Variants in VPS13B observed in about 807,000 individuals in gnomAD.
VPS13B encodes the protein vacuolar protein sorting 13 homolog B.
In VPS13B, 285 loss-of-function variants were observed where a neutral mutation model predicts 426.4. That is an observed-to-expected ratio of 0.67 (90% CI 0.61 to 0.74). The LOEUF is 0.74. VPS13B is among the 30% of genes least tolerant of loss of function. The probability of loss-of-function intolerance (pLI) is 0.00; values close to 1 mark genes in which losing one functional copy is unlikely to be tolerated. For missense variants in VPS13B, 4,537 were observed against 4,782.6 expected (o/e 0.95, Z 1.51); for synonymous variants, 1,676 against 1,676.4 (o/e 1.00, Z 0.01).
chr8:99,080,996 T>A (rs1845421492), intron 3 of VPS13B, among the ~76,000 whole-genome samples: 1 of 152,206 alleles, frequency 6.6e-6, no homozygotes, highest in Non-Finnish European at 1.5e-5. Context: ...ATTGCTGTAT[T>A]GGGTGATAGC....
Position 99,853,953 on chromosome 8 carries a change from A to C in VPS13B, c.10564A>C (p.Thr3522Pro). The C allele has an allele frequency of 6.2e-7, 1 of 1,614,200 alleles. No individual in the cohort carries two copies. The highest frequency in any genetic ancestry group is 8.5e-7 in the Non-Finnish European group (1 of 1,180,030). Reference protein sequence around the residue: ...FVYYIKTLFDTYLPNSRLAGH... With the variant: ...FVYYIKTLFDPYLPNSRLAGH... The stretch of plus-strand genomic sequence containing the variant: ...ATACTACATCAAGACTTTGTTTGAC[A>C]CCTACCTTCCTAACAGCAGGTTGGC... Residue 3522 changes from threonine to proline, a missense_variant, in exon 56 of 62, where the codon ACC (threonine) becomes CCC (proline). Transcript: ENST00000357162.
chr8:99,752,552 T>C (rs1331433161), intron 39 of VPS13B, among the ~76,000 whole-genome samples: 3 of 152,248 alleles, frequency 2.0e-5, no homozygotes, highest in African/African-American at 7.2e-5. Context: ...ATTTGTTCTA[T>C]AGCCCTTTAC....
chr8:99,799,914 C>G (rs1813037726), intron 43 of VPS13B, among the ~76,000 whole-genome samples: 1 of 152,180 alleles, frequency 6.6e-6, no homozygotes, highest in Non-Finnish European at 1.5e-5. Flanking sequence ...ATCCGAATGA[C>G]TAACAGACAG....
At chr8:99,375,477 ATACCATACATGTATGTATTG>A (rs1195045378) in intron 19 of VPS13B, among the ~76,000 whole-genome samples, 2 of 152,188 alleles carry the variant, frequency 1.3e-5, no homozygotes, top group East Asian at 1.9e-4. Flanking sequence ...CCATACGCAC[ATACCATACATGTATGTATTG>A]TACCATACAT....
intron 35 of VPS13B, among the ~76,000 whole-genome samples, chr8:99,693,439 A>G (rs1272960615): frequency 2.2e-5 from 3 of 136,856 alleles, no homozygotes; most frequent in Non-Finnish European, 4.7e-5. Flanking sequence ...AGCCAAAGAC[A>G]AAAACCACAT....
intron 39 of VPS13B, among the ~76,000 whole-genome samples, chr8:99,730,731 ACC>A (rs758237690): frequency 1.9e-4 from 29 of 151,282 alleles, no homozygotes; most frequent in Admixed American, 1.6e-3. Context: ...AGGTACAGGT[ACC>A]TCCTGAAAGG....
chr8:99,047,860 G>A (rs566872044), intron 3 of VPS13B, among the ~76,000 whole-genome samples: 21 of 152,040 alleles, frequency 1.4e-4, no homozygotes, highest in Middle Eastern at 6.8e-3. Context: ...ACTAATTTTT[G>A]TATTTTTAGT....
chr8:99,199,373 G>A (rs977143456), intron 17 of VPS13B, among the ~76,000 whole-genome samples: 2 of 151,500 alleles, frequency 1.3e-5, no homozygotes, highest in Non-Finnish European at 2.9e-5. Flanking sequence ...GGGTTTCACC[G>A]TGTTAGCCAG....
intron 19 of VPS13B, among the ~76,000 whole-genome samples, chr8:99,327,398 G>A (rs1243791154): frequency 6.6e-6 from 1 of 152,178 alleles, no homozygotes; most frequent in Non-Finnish European, 1.5e-5. Context: ...TAGGTAGCCA[G>A]TCAAATAAAT....
intron 16 of VPS13B, among the ~76,000 whole-genome samples, chr8:99,170,753 G>A (rs1812285302): frequency 1.3e-5 from 2 of 151,462 alleles, no homozygotes; most frequent in Non-Finnish European, 3.0e-5. Context: ...TAAATTTTTA[G>A]TTTAAAGGAA....
At chr8:99,750,752 T>G (rs1810350822) in intron 39 of VPS13B, among the ~76,000 whole-genome samples, 1 of 152,166 alleles carries the variant, frequency 6.6e-6, no homozygotes. Context: ...GATAGTATTA[T>G]TAAGTGCCGT....
intron 44 of VPS13B, among the ~76,000 whole-genome samples, chr8:99,815,089 G>A (rs199626752): frequency 9.6e-6 from 1 of 103,712 alleles, no homozygotes; most frequent in Non-Finnish European, 2.1e-5. Context: ...TGATGAGGGG[G>A]TGTGTGTGTG....
chr8:99,302,323 A>C (rs1425721899), intron 19 of VPS13B, among the ~76,000 whole-genome samples: 1 of 152,212 alleles, frequency 6.6e-6, no homozygotes, highest in East Asian at 1.9e-4. Flanking sequence ...ATCTACTGTA[A>C]GTTGGAAATA....
chr8:99,360,625 C>T (rs1470450288), intron 19 of VPS13B, among the ~76,000 whole-genome samples: 2 of 151,934 alleles, frequency 1.3e-5, no homozygotes, highest in African/African-American at 2.4e-5. Flanking sequence ...CAACAAAATA[C>T]GACTTCTTAA....
intron 8 of VPS13B, among the ~76,000 whole-genome samples, chr8:99,130,100 G>A (rs909571305): frequency 1.3e-5 from 2 of 152,176 alleles, no homozygotes; most frequent in South Asian, 2.1e-4. Flanking sequence ...GGCAGTATTT[G>A]TCAATAGTTA....
intron 35 of VPS13B, among the ~76,000 whole-genome samples, chr8:99,687,539 G>C (rs1831467643): frequency 6.6e-6 from 1 of 151,972 alleles, no homozygotes; most frequent in African/African-American, 2.4e-5. Flanking sequence ...CCTGTGGCTA[G>C]GGATGGTCTA....
intron 39 of VPS13B, among the ~76,000 whole-genome samples, chr8:99,739,737 T>C (rs1195251118): frequency 6.6e-6 from 1 of 151,968 alleles, no homozygotes; most frequent in African/African-American, 2.4e-5. Context: ...TCCAGCAAAC[T>C]CCAACAGACC....
At position 99,481,670 on chromosome 8, in the gene VPS13B, C is replaced by T. The variant is rs1465822174; in HGVS notation, c.3738C>T (p.Leu1246=). 2.5e-6 allele frequency: 4 copies of T among 1,613,904 alleles called. No homozygotes were observed. The South Asian group carries it at 3.3e-5, about 13-fold the overall frequency. Residue 1246 remains leucine, a synonymous_variant, in exon 25 of 62, where the codon CTC becomes CTT. Coordinates refer to ENST00000357162, the MANE Select transcript of VPS13B (RefSeq NM_152564.5). ...VWNKIQKRGN[L]NLSPTSPETM... is the part of the protein sequence containing the mutation. Reference sequence around the variant, plus strand: ...ACAAGATTCAGAAGAGAGGCAATCTCAACCTATCTCCAACCTCTCCAGAGA... The same window carrying T: ...ACAAGATTCAGAAGAGAGGCAATCTTAACCTATCTCCAACCTCTCCAGAGA...
At chr8:99,634,092 C>T (rs1355850195) in intron 33 of VPS13B, among the ~76,000 whole-genome samples, 1 of 151,758 alleles carries the variant, frequency 6.6e-6, no homozygotes, top group Non-Finnish European at 1.5e-5. Context: ...TAAGCTTATG[C>T]TGTGAAATCA....
Sources: allele counts gnomAD v4.1 joint callset (sites outside exome capture counted in the v4.1 genomes callset), GRCh38; gene constraint gnomAD v4.1.1; transcripts MANE v1.5; gene names NCBI Gene and HGNC (gene_info 2026-07-23, HGNC 2026-07-21).